The following ACKR3 variants were observed in gnomAD, a reference collection of about 807,000 sequenced individuals.
ACKR3 encodes C-X-C chemokine receptor type 7.
In ACKR3, 6 loss-of-function variants were observed where a neutral mutation model predicts 22.4. The ratio of observed to expected loss-of-function variants is 0.27; its 90% confidence interval spans 0.15 to 0.53. The LOEUF (loss-of-function observed/expected upper bound fraction) is 0.53. Among genes scored for constraint, ACKR3 ranks in the 20% least tolerant of loss-of-function variants. The pLI, the probability that ACKR3 is intolerant of heterozygous loss-of-function variation, is 0.96. For synonymous variants in ACKR3, 209 were observed against 205.2 expected (o/e 1.02, Z -0.16); for missense variants, 396 against 475.2 (o/e 0.83, Z 1.55).
intron 1 of ACKR3, among the ~76,000 whole-genome samples, chr2:236,578,815 G>C (rs1691464628): frequency 6.6e-6 from 1 of 152,210 alleles, no homozygotes; most frequent in Admixed American, 6.5e-5. Context: ...TACTCAGCCA[G>C]TGAGAGCCAG....
chr2:236,545,651 T>A, the ACKR3 span, among the ~76,000 whole-genome samples: 1 of 152,196 alleles, frequency 6.6e-6, no homozygotes, highest in African/African-American at 2.4e-5. The surrounding 1 kb of genome is among the most constrained non-coding windows in gnomAD (Gnocchi z 5.3). Context: ...CTTTCAGTGC[T>A]GCACTTTACA....
the ACKR3 span, among the ~76,000 whole-genome samples, chr2:236,550,684 C>A: frequency 6.6e-6 from 1 of 152,212 alleles, no homozygotes; most frequent in Non-Finnish European, 1.5e-5. The surrounding 1 kb of genome is among the most constrained non-coding windows in gnomAD (Gnocchi z 4.6). Flanking sequence ...AGGCATGAAA[C>A]CTCTCGGAGC....
At chr2:236,575,283 T>C (rs1054200599) in intron 1 of ACKR3, among the ~76,000 whole-genome samples, 4 of 152,220 alleles carry the variant, frequency 2.6e-5, no homozygotes, top group African/African-American at 9.6e-5. Context: ...CCAAGTTTTA[T>C]ACTTACTGCA....
At position 236,574,042 on chromosome 2, in the gene ACKR3, G is replaced by A. The variant is rs1316221658; in HGVS notation, c.-27+4118G>A. On this transcript the variant is annotated intron_variant, in intron 1 of 1. Transcript: ENST00000272928. The surrounding 1 kb of genome is among the most constrained non-coding windows in gnomAD (Gnocchi z 5.6). Reference sequence around the variant, plus strand: ...CCTCATTTTCCTGCTGAAGGGGCATGCACCACCTTGCTCATGCCTGGGGGG... The same window carrying A: ...CCTCATTTTCCTGCTGAAGGGGCATACACCACCTTGCTCATGCCTGGGGGG... 6.6e-6 allele frequency among the ~76,000 whole-genome samples: 1 copy of A among 151,930 alleles called. No homozygotes were observed. The highest frequency in any genetic ancestry group is 2.4e-5 in the African/African-American group (1 of 41,354).
intron 1 of ACKR3, among the ~76,000 whole-genome samples, chr2:236,575,414 GTGTGTGTGTGTGTGTCTGGGGTTGTGC>G (rs1691388645): frequency 7.4e-6 from 1 of 135,158 alleles, no homozygotes; most frequent in African/African-American, 2.8e-5. Context: ...GGGTTGTGCT[GTGTGTGTGTGTGTGTCTGGGGTTGTGC>G]TGTGTGTGCG....
chr2:236,556,451 G>A, the ACKR3 span, among the ~76,000 whole-genome samples: 2 of 152,118 alleles, frequency 1.3e-5, no homozygotes, highest in Non-Finnish European at 2.9e-5. Context: ...AGCCACTGTA[G>A]TCACAATGGT....
chr2:236,557,728 G>C, the ACKR3 span, among the ~76,000 whole-genome samples: 2 of 152,146 alleles, frequency 1.3e-5, no homozygotes, highest in Non-Finnish European at 2.9e-5. Flanking sequence ...TAATGACATA[G>C]AGAAAAGGGA....
At chr2:236,539,324 T>G in the ACKR3 span, among the ~76,000 whole-genome samples, 60 of 143,830 alleles carry the variant, frequency 4.2e-4, no homozygotes, top group Non-Finnish European at 6.5e-4. Context: ...TTTTTTTTTT[T>G]GTTTTTTAGA....
Position 236,581,693 on chromosome 2 carries a change from A to G in ACKR3, c.*139A>G. 2.8e-6 allele frequency: 3 copies of G among 1,075,026 alleles called. No homozygotes were observed. Among genetic ancestry groups the G allele is most frequent in the Non-Finnish European group, 4.0e-6 (3 of 757,098 alleles). The allele number at this position is 1,075,026 out of a possible 1,614,324, so 66.6% of individuals were successfully genotyped here. On this transcript the variant is annotated 3_prime_UTR_variant, in exon 2 of 2. Coordinates refer to ENST00000272928, the MANE Select transcript of ACKR3 (RefSeq NM_020311.3). This position sits in a 1 kb window ranked among gnomAD's most constrained non-coding sequence, Gnocchi z 4.4. ...GAAGAGGGGAGCACGTGCCCCCTGC[A>G]TCCATTCTCTCTTTCTCTTGATGAC...
chr2:236,555,163 C>T, the ACKR3 span, among the ~76,000 whole-genome samples: 513 of 152,000 alleles, frequency 3.4e-3, 2 homozygotes, highest in African/African-American at 0.012. Context: ...TGAGGTCTCA[C>T]CTGACAGCCC....
rs1469452051 is a variant in ACKR3 at position 236,577,166 on chromosome 2, G to A, written c.-26-3274G>A. 6.6e-6 allele frequency among the ~76,000 whole-genome samples: 1 copy of A among 152,136 alleles called. No homozygotes were observed. Among genetic ancestry groups the A allele is most frequent in the Non-Finnish European group, 1.5e-5 (1 of 68,028 alleles). ...GATCGGTGAGTGATGATAGGTGGCC[G>A]GTGATCGGTGGGGCAGTGAGGAGCT... On this transcript the variant is annotated intron_variant, in intron 1 of 1. Transcript: ENST00000272928. The surrounding 1 kb of genome is among the most constrained non-coding windows in gnomAD (Gnocchi z 5.6).
upstream of ACKR3, among the ~76,000 whole-genome samples, chr2:236,565,626 G>T (rs1233017586): frequency 6.6e-6 from 1 of 152,116 alleles, no homozygotes; most frequent in Non-Finnish European, 1.5e-5. Context: ...CTTTATGAGG[G>T]CTCCTGTGCT....
At chr2:236,551,854 G>A in the ACKR3 span, among the ~76,000 whole-genome samples, 9 of 152,268 alleles carry the variant, frequency 5.9e-5, no homozygotes, top group South Asian at 1.7e-3. Context: ...CAAAAGGCTA[G>A]GAGGGGCTGG....
At chr2:236,573,371 T>G (rs1440382069) in intron 1 of ACKR3, among the ~76,000 whole-genome samples, 1 of 151,780 alleles carries the variant, frequency 6.6e-6, no homozygotes, top group African/African-American at 2.4e-5. Context: ...CGCTGGAGAG[T>G]CCCTGGAGAT....
chr2:236,571,397 G>A (rs532511454), intron 1 of ACKR3, among the ~76,000 whole-genome samples: 1 of 152,284 alleles, frequency 6.6e-6, no homozygotes, highest in Admixed American at 6.5e-5. Flanking sequence ...AGAAATGGCT[G>A]CAGTTTGCTG....
At chr2:236,570,968 G>T (rs1332084452) in intron 1 of ACKR3, among the ~76,000 whole-genome samples, 1 of 152,204 alleles carries the variant, frequency 6.6e-6, no homozygotes, top group Non-Finnish European at 1.5e-5. Context: ...GACATCCCCT[G>T]AAACTTCAGT....
the ACKR3 span, among the ~76,000 whole-genome samples, chr2:236,553,272 G>A: frequency 2.0e-5 from 3 of 152,240 alleles, no homozygotes; most frequent in Non-Finnish European, 4.4e-5. Flanking sequence ...CAGGCAGACA[G>A]TAGGTGGAGG....
At chr2:236,576,254 C>T (rs537083169) in intron 1 of ACKR3, among the ~76,000 whole-genome samples, 3 of 152,314 alleles carry the variant, frequency 2.0e-5, no homozygotes, top group South Asian at 2.1e-4. Context: ...AACTTCCCAG[C>T]GTAAACAGAC....
At chr2:236,566,912 TTC>T (rs1691196123), upstream of ACKR3, among the ~76,000 whole-genome samples, 1 of 150,804 alleles carries the variant, frequency 6.6e-6, no homozygotes, top group Non-Finnish European at 1.5e-5. Context: ...CCCTCTTTCT[TTC>T]TTTCCCCAAG....
Sources: gnomAD v4.1 joint callset for allele counts (sites outside exome capture counted in the v4.1 genomes callset) on GRCh38, gnomAD v4.1.1 for gene constraint, Gnocchi (gnomAD v3.1) non-coding constraint, MANE v1.5 for transcripts, NCBI Gene and HGNC (gene_info 2026-07-23, HGNC 2026-07-21) for gene names.